The following ZBTB4 variants were observed in gnomAD, a reference collection of about 807,000 sequenced individuals.
The protein encoded by ZBTB4 is zinc finger and BTB domain-containing protein 4.
In ZBTB4, 14 loss-of-function variants were observed where a neutral mutation model predicts 59.8. That is an observed-to-expected ratio of 0.23 (90% CI 0.15 to 0.37). ZBTB4 has a LOEUF of 0.37. ZBTB4 is among the 10% of genes least tolerant of loss of function. The pLI, the probability that ZBTB4 is intolerant of heterozygous loss-of-function variation, is 1.00. For missense variants in ZBTB4, 1,198 were observed against 1,380.8 expected, an observed-to-expected ratio of 0.87 and a Z score of 2.10; for synonymous variants, 587 against 575.2, an observed-to-expected ratio of 1.02 and a Z score of -0.29.
In ZBTB4 at chr17:7,463,809, G is replaced by A. The variant is rs183372519; in HGVS notation, c.1173C>T (p.Ser391=). The part of the protein sequence containing the change: ...KTHQRAFHGI[S]PGLLASEKTP... ...TCTTCTCACTGGCAAGGAGGCCCGG[G>A]CTAATGCCGTGGAAGGCTCGCTGGT... Residue 391 remains serine (S), a synonymous_variant, in exon 4 of 4, where the codon AGC becomes AGT. Coordinates refer to ENST00000380599, the MANE Select transcript of ZBTB4 (RefSeq NM_001128833.2). 5.3e-5 allele frequency: 85 copies of A among 1,614,174 alleles called. No individual in the cohort carries two copies. In the East Asian group the frequency reaches 1.7e-3, roughly 32 times the overall value.
chr17:7,483,115 C>T, upstream of ZBTB4: 2 of 1,514,810 alleles, frequency 1.3e-6, no homozygotes, highest in Non-Finnish European at 1.8e-6. Flanking sequence ...GAGAGGGATA[C>T]CTCTCAGAGT....
chr17:7,463,020 TTCC>T lies in ZBTB4; in HGVS notation c.1959_1961del (p.Glu654del), dbSNP rs750098678. 9.9e-5 allele frequency: 159 copies of T among 1,611,464 alleles called. 1 individual carries two copies. In the East Asian group the frequency reaches 1.7e-3, roughly 17 times the overall value. ...GCTGGTCCTCCCCACCAGCCTTTGA[TTCC>T]TCCTCATCCTCCTCCTCCTCCTCTT... On this transcript the variant is annotated inframe_deletion, in exon 4 of 4. Coordinates refer to ENST00000380599, the MANE Select transcript of ZBTB4 (RefSeq NM_001128833.2).
At chr17:7,472,399 C>G (rs2070210650) in intron 1 of ZBTB4, among the ~76,000 whole-genome samples, 1 of 152,108 alleles carries the variant, frequency 6.6e-6, no homozygotes, top group South Asian at 2.1e-4. Flanking sequence ...CCATCTTGGC[C>G]AGGCTGTTCT....
intron 2 of ZBTB4, 162 bp downstream of exon 2, chr17:7,467,095 T>C: frequency 3.3e-6 from 3 of 914,022 alleles, no homozygotes; most frequent in African/African-American, 1.8e-5. Context: ...AGACTAGAGA[T>C]GTAAGTGAGG....
chr17:7,465,560 C>T, intron 3 of ZBTB4, 151 bp downstream of exon 3: 1 of 1,340,894 alleles, frequency 7.5e-7, no homozygotes, highest in Non-Finnish European at 9.8e-7. Context: ...GCGATCCTCC[C>T]ACCTCAGCTA....
Position 7,462,303 on chromosome 17 carries a change from A to C in ZBTB4, c.2679T>G (p.Ser893=). 2.5e-6 allele frequency: 4 copies of C among 1,613,594 alleles called. No homozygotes were observed. The highest frequency in any genetic ancestry group is 3.4e-6 in the Non-Finnish European group (4 of 1,179,800). ...CAGCCCCCACTGGCCCTTCACTCCC[A>C]GATTTTCCCCTGCCACCGCCAGGTT... ...GREPGGGRGK[S]GSEGPVGAGE... Residue 893 remains serine (S), a synonymous_variant, in exon 4 of 4, where the codon TCT becomes TCG. Coordinates refer to ENST00000380599, the MANE Select transcript of ZBTB4 (RefSeq NM_001128833.2). This position sits in a 1 kb window ranked among gnomAD's most constrained non-coding sequence, Gnocchi z 7.5.
At chr17:7,482,621 C>G, upstream of ZBTB4, 2 of 1,612,088 alleles carry the variant, frequency 1.2e-6, no homozygotes, top group African/African-American at 2.7e-5. Flanking sequence ...CTATCGTTCT[C>G]TGCACTTTCC....
intron 1 of ZBTB4, among the ~76,000 whole-genome samples, chr17:7,468,489 C>T (rs576547626): frequency 6.6e-6 from 1 of 152,354 alleles, no homozygotes; most frequent in African/African-American, 2.4e-5. Context: ...ACCATCAGGG[C>T]CTTGAAGACT....
chr17:7,482,357 G>C, upstream of ZBTB4: 3 of 1,614,006 alleles, frequency 1.9e-6, no homozygotes, highest in Non-Finnish European at 2.5e-6. Flanking sequence ...GGTTCAGGTG[G>C]TGCCCGCTGG....
chr17:7,471,874 G>A (rs1239280261), intron 1 of ZBTB4, among the ~76,000 whole-genome samples: 1 of 152,184 alleles, frequency 6.6e-6, no homozygotes, highest in African/African-American at 2.4e-5. Flanking sequence ...TTCCTGGTAG[G>A]TTTGGTGGCT....
upstream of ZBTB4, chr17:7,481,959 T>C (rs1247101634): frequency 4.5e-6 from 7 of 1,561,454 alleles, no homozygotes; most frequent in Non-Finnish European, 6.1e-6. Context: ...GCGGCTGCTG[T>C]CTACCCTGAG....
At chr17:7,463,983 AC>A in intron 3 of ZBTB4, 93 bp from the exon 4 acceptor site, 1 of 1,510,476 alleles carries the variant, frequency 6.6e-7, no homozygotes, top group Non-Finnish European at 8.8e-7. Flanking sequence ...CTGCACTCAA[AC>A]CTGTGACTCC....
intron 1 of ZBTB4, among the ~76,000 whole-genome samples, chr17:7,468,012 A>G (rs1346549001): frequency 6.6e-6 from 1 of 152,190 alleles, no homozygotes; most frequent in Non-Finnish European, 1.5e-5. Context: ...TGCCCTAGGG[A>G]TCTGGACTTA....
chr17:7,473,226 C>T (rs904615925), intron 1 of ZBTB4, among the ~76,000 whole-genome samples: 1 of 151,672 alleles, frequency 6.6e-6, no homozygotes, highest in Non-Finnish European at 1.5e-5. Flanking sequence ...CATTCTCCTG[C>T]CTCAGCCTCC....
intron 1 of ZBTB4, among the ~76,000 whole-genome samples, chr17:7,474,917 CAGG>C (rs936333824): frequency 6.9e-6 from 1 of 145,840 alleles, no homozygotes; most frequent in Non-Finnish European, 1.5e-5. Flanking sequence ...GTGGCTGAGG[CAGG>C]AGAATTGCTT....
chr17:7,463,559 C>T lies in ZBTB4; in HGVS notation c.1423G>A (p.Ala475Thr). 6.3e-7 allele frequency: 1 copy of T among 1,590,796 alleles called. No individual in the cohort carries two copies. ...PGPPPSVITFAHPAPSVIVHG... is the reference protein window; with the variant it reads ...PGPPPSVITFTHPAPSVIVHG... ...ACAATGACAGAGGGGGCTGGGTGGG[C>T]AAAAGTGATGACAGAGGGTGGAGGG... The change falls in exon 4 of 4, where the codon GCC becomes ACC. Residue 475 changes from alanine (A) to threonine (T), a missense_variant. Ala to Thr is a moderately conservative substitution (Grantham distance 58). Coordinates refer to ENST00000380599, the MANE Select transcript of ZBTB4 (RefSeq NM_001128833.2).
At chr17:7,481,886 G>A (rs1263934262), upstream of ZBTB4, 23 of 1,461,638 alleles carry the variant, frequency 1.6e-5, no homozygotes, top group Non-Finnish European at 2.1e-5. Context: ...GCCCAACACT[G>A]TACAGTCCCA....
chr17:7,474,008 C>T (rs2070234889), intron 1 of ZBTB4, among the ~76,000 whole-genome samples: 1 of 151,810 alleles, frequency 6.6e-6, no homozygotes, highest in Admixed American at 6.6e-5. Flanking sequence ...CCTCTGCCTC[C>T]TGGGTTCAAG....
At chr17:7,481,564 C>T (rs770846776), upstream of ZBTB4, 1 of 1,412,618 alleles carries the variant, frequency 7.1e-7, no homozygotes, top group African/African-American at 1.5e-5. Flanking sequence ...CCTATAGCTC[C>T]TGGTTGCTCC....
Sources: gnomAD v4.1 joint callset for allele counts (sites outside exome capture counted in the v4.1 genomes callset) on GRCh38, gnomAD v4.1.1 for gene constraint, Gnocchi (gnomAD v3.1) non-coding constraint, MANE v1.5 for transcripts, NCBI Gene and HGNC (gene_info 2026-07-23, HGNC 2026-07-21) for gene names.